Variants in SHISA6 observed in about 807,000 individuals in gnomAD.
The protein encoded by SHISA6 is shisa family member 6.
SHISA6 carries 22 observed loss-of-function variants against 47.9 expected under a neutral mutation model. The observed-to-expected ratio is 0.46, with a 90% CI of 0.33 to 0.66. SHISA6 has a LOEUF of 0.66. Ranked by LOEUF, SHISA6 falls within the 30% of genes least tolerant of loss-of-function variation. The pLI, the probability that SHISA6 is intolerant of heterozygous loss-of-function variation, is 0.02. For missense variants in SHISA6, 680 were observed against 764.6 expected, an observed-to-expected ratio of 0.89 and a Z score of 1.30; for synonymous variants, 388 against 337.8, an observed-to-expected ratio of 1.15 and a Z score of -1.63.
intron 3 of SHISA6, among the ~76,000 whole-genome samples, chr17:11,481,650 G>A (rs1310206300): frequency 1.3e-5 from 2 of 151,534 alleles, no homozygotes; most frequent in African/African-American, 4.8e-5. Context: ...ACACCACAAC[G>A]CCTGGCTAAT....
chr17:11,333,137 A>G (rs1296443678), intron 2 of SHISA6, among the ~76,000 whole-genome samples: 2 of 152,260 alleles, frequency 1.3e-5, no homozygotes, highest in Admixed American at 1.3e-4. Context: ...CTGATCGTGC[A>G]TTATAAGGAA....
intron 2 of SHISA6, among the ~76,000 whole-genome samples, chr17:11,275,228 G>T (rs1368957153): frequency 1.3e-5 from 2 of 151,854 alleles, no homozygotes; most frequent in Admixed American, 6.6e-5. Flanking sequence ...AGGGGTCGCT[G>T]CTGTGGAGGT....
At chr17:11,345,635 C>G (rs913658377) in intron 2 of SHISA6, among the ~76,000 whole-genome samples, 5 of 152,014 alleles carry the variant, frequency 3.3e-5, no homozygotes, top group African/African-American at 1.2e-4. Flanking sequence ...TTTAGATCTT[C>G]TTTAATTTCT....
intron 2 of SHISA6, among the ~76,000 whole-genome samples, chr17:11,325,031 A>C (rs554352203): frequency 1.3e-5 from 2 of 152,044 alleles, no homozygotes; most frequent in Non-Finnish European, 2.9e-5. Flanking sequence ...TCTGGCTCCA[A>C]TTTCTTACCC....
At chr17:11,368,378 G>T (rs1912523442) in intron 2 of SHISA6, among the ~76,000 whole-genome samples, 1 of 152,110 alleles carries the variant, frequency 6.6e-6, no homozygotes, top group African/African-American at 2.4e-5. Flanking sequence ...CGCAGTGAGT[G>T]CCCTAAACCA....
chr17:11,507,407 C>G (rs1466240727), intron 3 of SHISA6, among the ~76,000 whole-genome samples: 1 of 152,154 alleles, frequency 6.6e-6, no homozygotes, highest in Non-Finnish European at 1.5e-5. Flanking sequence ...TCAGAGCTTT[C>G]CTCTCCACCC....
At chr17:11,331,695 GTCTA>G (rs1367267971) in intron 2 of SHISA6, among the ~76,000 whole-genome samples, 6 of 151,808 alleles carry the variant, frequency 4.0e-5, no homozygotes, top group African/African-American at 1.5e-4. Context: ...TTCTCTTCTT[GTCTA>G]TCTTTTTCTC....
intron 1 of SHISA6, among the ~76,000 whole-genome samples, chr17:11,254,413 G>T (rs1395890273): frequency 6.6e-6 from 1 of 152,226 alleles, no homozygotes; most frequent in Admixed American, 6.5e-5. Context: ...GATGTGGGAG[G>T]AGATGTATTT....
intron 2 of SHISA6, among the ~76,000 whole-genome samples, chr17:11,272,853 C>T (rs1040799904): frequency 1.2e-4 from 18 of 152,212 alleles, no homozygotes; most frequent in African/African-American, 4.3e-4. Context: ...TGTCTGGAAA[C>T]AGCTATGTCT....
At chr17:11,441,840 G>A (rs903991971) in intron 3 of SHISA6, among the ~76,000 whole-genome samples, 4 of 152,150 alleles carry the variant, frequency 2.6e-5, no homozygotes, top group South Asian at 2.1e-4. Flanking sequence ...CCAGCGCTGC[G>A]AACTACTTAT....
intron 3 of SHISA6, among the ~76,000 whole-genome samples, chr17:11,533,810 T>C (rs989823998): frequency 1.1e-4 from 17 of 151,796 alleles, no homozygotes; most frequent in Admixed American, 9.9e-4. Flanking sequence ...GCCAGGATGA[T>C]CTCGATCTAC....
intron 2 of SHISA6, among the ~76,000 whole-genome samples, chr17:11,304,980 C>T (rs554675982): frequency 1.1e-4 from 17 of 152,218 alleles, no homozygotes; most frequent in African/African-American, 2.4e-4. Flanking sequence ...TTTGTTGTTC[C>T]GATTTTTATG....
intron 2 of SHISA6, among the ~76,000 whole-genome samples, chr17:11,335,060 G>A (rs528674993): frequency 4.6e-5 from 7 of 152,176 alleles, no homozygotes; most frequent in African/African-American, 7.2e-5. Context: ...ACATCTTTTC[G>A]TAGGACACGT....
intron 3 of SHISA6, among the ~76,000 whole-genome samples, chr17:11,419,208 A>T (rs1478663930): frequency 1.3e-5 from 2 of 152,098 alleles, no homozygotes; most frequent in Non-Finnish European, 2.9e-5. Flanking sequence ...CTAAAACTTA[A>T]AGTATAATAA....
chr17:11,561,674 C>T lies in SHISA6; in HGVS notation c.*3370C>T, dbSNP rs2072044665. On this transcript the variant is annotated 3_prime_UTR_variant, in exon 6 of 6. Transcript: ENST00000441885. Reference sequence around the variant, plus strand: ...AACCTCAGATTTCCAGGCCAGGTCACTCATTCCTTCCTCTCATCTCCCTCT... The same window carrying T: ...AACCTCAGATTTCCAGGCCAGGTCATTCATTCCTTCCTCTCATCTCCCTCT... 2 of 152,268 alleles carry T rather than the reference C, an allele frequency of 1.3e-5. No homozygotes were observed. The highest frequency in any genetic ancestry group is 4.1e-4 in the South Asian group (2 of 4,826). 9.4% of individuals were successfully genotyped at this position (152,268 alleles called of 1,614,324 possible).
At chr17:11,259,415 G>A (rs1908142665) in intron 1 of SHISA6, among the ~76,000 whole-genome samples, 1 of 152,206 alleles carries the variant, frequency 6.6e-6, no homozygotes, top group Admixed American at 6.5e-5. Context: ...CAGTGTCTGG[G>A]ACATAGTAAT....
intron 3 of SHISA6, among the ~76,000 whole-genome samples, chr17:11,533,587 ATTTTTT>A (rs3038696): frequency 1.1e-4 from 10 of 95,020 alleles, no homozygotes; most frequent in African/African-American, 3.4e-4. Flanking sequence ...CCCTTTCATT[ATTTTTT>A]TTTTTTTTTT....
chr17:11,271,699 A>AT (rs1908673537), intron 2 of SHISA6, among the ~76,000 whole-genome samples: 2 of 146,074 alleles, frequency 1.4e-5, no homozygotes, highest in South Asian at 4.3e-4. Context: ...ACCTCAGGTG[A>AT]TCTGCCTGCT....
rs10153309 is a variant in SHISA6 at position 11,339,416 on chromosome 17, G to A, written c.800-39998G>A. ...ATTTCAAAGTGGTAGAATTATGAGGGATTCACTACACCCCCCCTCCTTTTT... is the reference window on the plus strand; with the variant it reads ...ATTTCAAAGTGGTAGAATTATGAGGAATTCACTACACCCCCCCTCCTTTTT... On this transcript the variant is annotated intron_variant, in intron 2 of 5. Coordinates refer to ENST00000441885, the MANE Select transcript of SHISA6 (RefSeq NM_207386.4). Among the ~76,000 whole-genome samples, 272 of 102,136 alleles carry A rather than the reference G, an allele frequency of 2.7e-3. 2 individuals carry two copies. The highest frequency in any genetic ancestry group is 8.3e-3 in the African/African-American group (250 of 30,246). 67.0% of individuals were successfully genotyped at this position (102,136 alleles called of 152,430 possible).
Sources: gnomAD v4.1 joint callset for allele counts (sites outside exome capture counted in the v4.1 genomes callset) on GRCh38, gnomAD v4.1.1 for gene constraint, MANE v1.5 for transcripts, NCBI Gene and HGNC (gene_info 2026-07-23, HGNC 2026-07-21) for gene names.